The following AGO3 variants were observed in gnomAD, a reference collection of about 807,000 sequenced individuals.
AGO3 encodes argonaute RISC catalytic component 3.
Under a neutral mutation model 105.5 loss-of-function variants are expected in AGO3, and 16 were observed. The ratio of observed to expected loss-of-function variants is 0.15; its 90% CI spans 0.10 to 0.23. The LOEUF (loss-of-function observed/expected upper bound fraction) is 0.23. Among genes scored for constraint, AGO3 ranks in the 10% least tolerant of loss-of-function variants. The pLI is 1.00. For synonymous variants in AGO3, 340 were observed against 367.3 expected (o/e 0.93, Z 0.85); for missense variants, 534 against 1,088.0 (o/e 0.49, Z 7.16).
At chr1:36,017,327 A>G (rs555278558) in intron 11 of AGO3, among the ~76,000 whole-genome samples, 7 of 152,328 alleles carry the variant, frequency 4.6e-5, no homozygotes, top group Non-Finnish European at 8.8e-5. Flanking sequence ...ACTTGTTTCA[A>G]CCAAGCACCC....
Position 36,068,090 on chromosome 1 carries a change from GTTC to G in AGO3, c.*12348_*12350del, listed in dbSNP as rs973412977. The G allele has an allele frequency of 2.4e-4, 37 of 152,082 alleles. No individual in the cohort carries two copies. The highest frequency in any genetic ancestry group is 7.0e-4 in the African/African-American group (29 of 41,490). The allele number at this position is 152,082 out of a possible 1,614,324, so 9.4% of individuals were successfully genotyped here. On this transcript the variant is annotated 3_prime_UTR_variant, in exon 19 of 19. Coordinates refer to ENST00000373191, the MANE Select transcript of AGO3 (RefSeq NM_024852.4). ...TATGCCATTTGTGAATCACACAATT[GTTC>G]TTTTTTCCCCATCACACACACTCAC...
chr1:35,949,770 A>T (rs183283818), intron 2 of AGO3, among the ~76,000 whole-genome samples: 1 of 152,126 alleles, frequency 6.6e-6, no homozygotes, highest in Non-Finnish European at 1.5e-5. Context: ...TACAGGCACC[A>T]CCACACCAAG....
At chr1:35,990,563 A>T (rs577132566) in intron 5 of AGO3, among the ~76,000 whole-genome samples, 1 of 152,326 alleles carries the variant, frequency 6.6e-6, no homozygotes, top group Admixed American at 6.5e-5. Context: ...AGCTGTCCGT[A>T]AAACATTCAC....
rs113254412 is a variant in AGO3 at position 35,988,327 on chromosome 1, C to T, written c.658+14816C>T. 3.4e-3 allele frequency among the ~76,000 whole-genome samples: 518 copies of T among 152,178 alleles called. 2 individuals are homozygous for T. The highest frequency in any genetic ancestry group is 0.012 in the African/African-American group (482 of 41,514). On this transcript the variant is annotated intron_variant, in intron 5 of 18. Transcript: ENST00000373191. ...ATAAGAACATGAAATTTACTCTCAG[C>T]GTATTTCAAGTATACAATAATAATT...
chr1:35,957,279 C>A (rs1021124617), intron 2 of AGO3, among the ~76,000 whole-genome samples: 2 of 151,896 alleles, frequency 1.3e-5, no homozygotes, highest in African/African-American at 4.8e-5. Context: ...TTGCTTATAC[C>A]CAGGAGGTGA....
At chr1:36,028,347 C>G (rs1177445043) in intron 12 of AGO3, among the ~76,000 whole-genome samples, 3 of 151,450 alleles carry the variant, frequency 2.0e-5, no homozygotes, top group Non-Finnish European at 2.9e-5. Flanking sequence ...GCTGCACACA[C>G]TAACTCGTTA....
At chr1:35,946,340 C>G (rs899156250) in intron 2 of AGO3, among the ~76,000 whole-genome samples, 1 of 152,156 alleles carries the variant, frequency 6.6e-6, no homozygotes, top group Non-Finnish European at 1.5e-5. Context: ...GGAATAAGTA[C>G]AGATGGTATA....
chr1:35,992,023 G>T (rs1647711949), intron 5 of AGO3: 1 of 152,152 alleles, frequency 6.6e-6, no homozygotes, highest in Admixed American at 6.6e-5. Flanking sequence ...GAGGGCTTAG[G>T]TTGGGGAATC....
At chr1:35,942,258 C>A (rs1646269652) in intron 1 of AGO3, among the ~76,000 whole-genome samples, 1 of 152,178 alleles carries the variant, frequency 6.6e-6, no homozygotes, top group African/African-American at 2.4e-5. Flanking sequence ...CTGATACAAA[C>A]TCATTCTTTT....
chr1:35,967,337 A>G (rs1429198250), intron 3 of AGO3, among the ~76,000 whole-genome samples: 1 of 151,962 alleles, frequency 6.6e-6, no homozygotes, highest in African/African-American at 2.4e-5. Context: ...TCTCTTGTAC[A>G]TACATACTTA....
intron 6 of AGO3, among the ~76,000 whole-genome samples, chr1:36,006,985 A>T (rs1279645945): frequency 6.6e-6 from 1 of 152,212 alleles, no homozygotes; most frequent in Non-Finnish European, 1.5e-5. Context: ...AGCAGCATTG[A>T]CATTTTGGGC....
At chr1:35,935,415 A>T (rs1229598854) in intron 1 of AGO3, among the ~76,000 whole-genome samples, 1 of 152,260 alleles carries the variant, frequency 6.6e-6, no homozygotes, top group African/African-American at 2.4e-5. Context: ...TTAGTTTTTT[A>T]AAACTTAAGG....
intron 5 of AGO3, among the ~76,000 whole-genome samples, chr1:35,981,616 T>C (rs1359354202): frequency 6.6e-6 from 1 of 152,208 alleles, no homozygotes; most frequent in Non-Finnish European, 1.5e-5. Flanking sequence ...ACTATTCTTA[T>C]AACTTTTCTG....
intron 2 of AGO3, among the ~76,000 whole-genome samples, chr1:35,948,125 C>T (rs930947377): frequency 2.6e-4 from 40 of 151,534 alleles, no homozygotes; most frequent in African/African-American, 8.5e-4. Flanking sequence ...AGATCTGGGG[C>T]TTGAGGGATG....
intron 2 of AGO3, among the ~76,000 whole-genome samples, chr1:35,963,991 T>G (rs1646728315): frequency 1.3e-5 from 2 of 150,448 alleles, no homozygotes; most frequent in Non-Finnish European, 2.9e-5. Flanking sequence ...ACTGAGGTAG[T>G]TATTCACTGT....
chr1:35,941,998 CA>C (rs1252633034), intron 1 of AGO3, among the ~76,000 whole-genome samples: 12 of 152,096 alleles, frequency 7.9e-5, no homozygotes, highest in Admixed American at 7.9e-4. Flanking sequence ...TTTTTTAGAT[CA>C]GGAAACAAAT....
chr1:35,993,535 C>T (rs1202227105), intron 5 of AGO3, among the ~76,000 whole-genome samples: 3 of 151,944 alleles, frequency 2.0e-5, no homozygotes, highest in South Asian at 2.1e-4. Flanking sequence ...CCTTGACAAG[C>T]CACACCTTTA....
intron 2 of AGO3, among the ~76,000 whole-genome samples, chr1:35,946,253 C>CA (rs2148750297): frequency 6.6e-6 from 1 of 152,270 alleles, no homozygotes; most frequent in East Asian, 1.9e-4. Context: ...GTGATGATAG[C>CA]AGTTGGGGGT....
chr1:35,962,493 A>C (rs1646695887), intron 2 of AGO3, among the ~76,000 whole-genome samples: 1 of 151,616 alleles, frequency 6.6e-6, no homozygotes, highest in African/African-American at 2.4e-5. Flanking sequence ...CAGTGAGCCG[A>C]GATCACGCCA....
Sources: gnomAD v4.1 joint callset for allele counts (sites outside exome capture counted in the v4.1 genomes callset) on GRCh38, gnomAD v4.1.1 for gene constraint, MANE v1.5 for transcripts, NCBI Gene and HGNC (gene_info 2026-07-23, HGNC 2026-07-21) for gene names.